MAML3: variants seen among roughly 807,000 people sequenced by gnomAD.
MAML3 encodes the protein mastermind-like protein 3.
In MAML3, 27 loss-of-function variants were observed where a neutral mutation model predicts 101.9. The observed-to-expected ratio is 0.27, with a 90% CI of 0.20 to 0.37. The LOEUF (loss-of-function observed/expected upper bound fraction) is 0.37. MAML3 is among the 10% of genes least tolerant of loss of function. MAML3 has a pLI of 1.00. For missense variants in MAML3, 1,316 were observed against 1,444.9 expected, an observed-to-expected ratio of 0.91 and a Z score of 1.45; for synonymous variants, 501 against 555.9, an observed-to-expected ratio of 0.90 and a Z score of 1.39.
chr4:139,745,372 A>G (rs994563876), intron 2 of MAML3, among the ~76,000 whole-genome samples: 2 of 152,186 alleles, frequency 1.3e-5, no homozygotes, highest in African/African-American at 4.8e-5. Context: ...CAGGTAAGCT[A>G]GTGTCAGATT....
At chr4:140,025,077 A>T (rs1047106514) in intron 1 of MAML3, among the ~76,000 whole-genome samples, 1 of 152,250 alleles carries the variant, frequency 6.6e-6, no homozygotes, top group Non-Finnish European at 1.5e-5. Context: ...GCAGAGACAG[A>T]TTAAAAAGAC....
At chr4:139,988,867 T>C (rs1171828646) in intron 1 of MAML3, among the ~76,000 whole-genome samples, 1 of 152,142 alleles carries the variant, frequency 6.6e-6, no homozygotes, top group African/African-American at 2.4e-5. Context: ...GAGAAGGACG[T>C]GTCCTTATCT....
chr4:139,949,979 G>C (rs999445007), intron 1 of MAML3, among the ~76,000 whole-genome samples: 1 of 152,166 alleles, frequency 6.6e-6, no homozygotes, highest in African/African-American at 2.4e-5. Context: ...TTCTGCCTTC[G>C]GACTGCAACA....
intron 1 of MAML3, among the ~76,000 whole-genome samples, chr4:139,985,030 C>A (rs1229675786): frequency 6.6e-6 from 1 of 152,164 alleles, no homozygotes; most frequent in Non-Finnish European, 1.5e-5. Flanking sequence ...TAGATTCTGG[C>A]AGTTTTTGAT....
At chr4:140,016,271 T>C (rs925940286) in intron 1 of MAML3, among the ~76,000 whole-genome samples, 13 of 152,030 alleles carry the variant, frequency 8.6e-5, no homozygotes, top group Admixed American at 1.3e-4. Context: ...AAAATTCTGA[T>C]GAAAAAAACC....
intron 2 of MAML3, among the ~76,000 whole-genome samples, chr4:139,830,589 T>C (rs56898762): frequency 0.038 from 5,771 of 151,094 alleles, 392 homozygotes; most frequent in African/African-American, 0.13. Context: ...TAATTTTTTA[T>C]ATTTTTAGTA....
chr4:139,996,687 G>A (rs13111554), intron 1 of MAML3, among the ~76,000 whole-genome samples: 26 of 1,818 alleles, frequency 0.014, no homozygotes, highest in East Asian at 0.1. Flanking sequence ...TAGTTGTATC[G>A]TGTGTGTGTG....
Position 139,812,312 on chromosome 4 carries a change from C to A in MAML3, c.2079+77045G>T, listed in dbSNP as rs939779220. Among the ~76,000 whole-genome samples, 9 of 152,156 alleles carry A rather than the reference C, an allele frequency of 5.9e-5. No individual in the cohort carries two copies. The East Asian group carries it at 1.7e-3, about 29-fold the overall frequency. ...CTAGGTACCTCTGATGATGAAGGTG[C>A]ACATGGGGCTAAAACACAGTACGAT... On this transcript the variant is annotated intron_variant, in intron 2 of 4. Coordinates refer to ENST00000509479, the MANE Select transcript of MAML3 (RefSeq NM_018717.5).
chr4:139,795,818 G>A (rs1457311470), intron 2 of MAML3, among the ~76,000 whole-genome samples: 1 of 152,182 alleles, frequency 6.6e-6, no homozygotes, highest in Non-Finnish European at 1.5e-5. Flanking sequence ...CCCTTCTGGA[G>A]GATCCTAAAT....
intron 1 of MAML3, among the ~76,000 whole-genome samples, chr4:140,147,891 C>A (rs907741911): frequency 1.2e-4 from 17 of 144,698 alleles, no homozygotes; most frequent in Admixed American, 1.1e-3. Context: ...GACACTCACA[C>A]CAGGGTGAGT....
chr4:139,912,024 A>AGGTC (rs1560833727), intron 1 of MAML3, among the ~76,000 whole-genome samples: 3 of 152,236 alleles, frequency 2.0e-5, no homozygotes, highest in African/African-American at 7.2e-5. Context: ...GGGTATACAA[A>AGGTC]TATCTCTTGT....
chr4:140,105,244 T>G (rs1728331318), intron 1 of MAML3, among the ~76,000 whole-genome samples: 1 of 152,252 alleles, frequency 6.6e-6, no homozygotes, highest in Admixed American at 6.5e-5. Flanking sequence ...GTGCACATTC[T>G]TGGATAAAAC....
intron 1 of MAML3, among the ~76,000 whole-genome samples, chr4:139,933,707 A>G (rs1733449559): frequency 6.6e-6 from 1 of 152,174 alleles, no homozygotes; most frequent in Admixed American, 6.5e-5. Flanking sequence ...CTGCCTGCTA[A>G]ATATTAATCC....
intron 2 of MAML3, among the ~76,000 whole-genome samples, chr4:139,874,766 C>T (rs1163798335): frequency 6.6e-6 from 1 of 151,178 alleles, no homozygotes; most frequent in East Asian, 1.9e-4. Flanking sequence ...TACACAGAGT[C>T]ATCCTAATAT....
At chr4:140,064,312 AT>A (rs112871959) in intron 1 of MAML3, among the ~76,000 whole-genome samples, 15 of 152,320 alleles carry the variant, frequency 9.8e-5, no homozygotes, top group African/African-American at 3.6e-4. Flanking sequence ...AAATCCAATT[AT>A]TTCATAAGCA....
intron 1 of MAML3, among the ~76,000 whole-genome samples, chr4:140,009,915 G>A (rs1726519487): frequency 6.6e-6 from 1 of 152,100 alleles, no homozygotes; most frequent in South Asian, 2.1e-4. Context: ...TCTAGGACTG[G>A]GCTTACCACT....
chr4:140,039,404 A>G (rs1251903122), intron 1 of MAML3, among the ~76,000 whole-genome samples: 1 of 152,120 alleles, frequency 6.6e-6, no homozygotes, highest in Non-Finnish European at 1.5e-5. Context: ...CCATGGAACC[A>G]TGGCTGACCA....
intron 2 of MAML3, among the ~76,000 whole-genome samples, chr4:139,843,921 C>T (rs921606872): frequency 6.6e-6 from 1 of 152,218 alleles, no homozygotes; most frequent in Admixed American, 6.5e-5. Flanking sequence ...GCTTGGCCCA[C>T]AGGGCCCCTG....
intron 1 of MAML3, among the ~76,000 whole-genome samples, chr4:140,145,049 A>C (rs1729036643): frequency 6.6e-6 from 1 of 151,954 alleles, no homozygotes; most frequent in African/African-American, 2.4e-5. Flanking sequence ...TTTGAGTCAC[A>C]GTTGCAACCC....
Sources: allele counts gnomAD v4.1 joint callset (sites outside exome capture counted in the v4.1 genomes callset), GRCh38; gene constraint gnomAD v4.1.1; transcripts MANE v1.5; gene names NCBI Gene and HGNC (gene_info 2026-07-23, HGNC 2026-07-21).